Variants in TMEM178B observed in about 807,000 individuals in gnomAD.
TMEM178B encodes the protein transmembrane protein 178B.
A neutral mutation model predicts 31.0 loss-of-function variants in TMEM178B; 5 were observed. The ratio of observed to expected loss-of-function variants is 0.16; its 90% CI spans 0.08 to 0.34. The LOEUF (loss-of-function observed/expected upper bound fraction) is 0.34. TMEM178B is among the 10% of genes least tolerant of loss of function. The pLI is 1.00. For missense variants in TMEM178B, 275 were observed against 400.3 expected (o/e 0.69, Z 2.67); for synonymous variants, 164 against 164.0 (o/e 1.00, Z 0.00).
chr7:141,233,559 T>A (rs1206540666), intron 2 of TMEM178B, among the ~76,000 whole-genome samples: 3 of 152,198 alleles, frequency 2.0e-5, no homozygotes, highest in Non-Finnish European at 4.4e-5. Flanking sequence ...TGTTAAGAGC[T>A]AGACTGGGGG....
intron 1 of TMEM178B, among the ~76,000 whole-genome samples, chr7:141,189,067 A>T (rs35399617): frequency 0.041 from 6,314 of 152,288 alleles, 324 homozygotes; most frequent in African/African-American, 0.12. Flanking sequence ...GAAGGTCTAC[A>T]ATGAAGCCAT....
intron 2 of TMEM178B, among the ~76,000 whole-genome samples, chr7:141,406,889 G>A (rs1800895412): frequency 6.6e-6 from 1 of 152,166 alleles, no homozygotes; most frequent in Admixed American, 6.5e-5. Context: ...GCATAAACTA[G>A]AGATAAAATA....
chr7:141,081,959 C>T (rs1463093447), intron 1 of TMEM178B, among the ~76,000 whole-genome samples: 7 of 152,168 alleles, frequency 4.6e-5, no homozygotes, highest in Non-Finnish European at 8.8e-5. Flanking sequence ...TACTGCATTT[C>T]GACTGCATCT....
chr7:141,386,846 G>A (rs531018059), intron 2 of TMEM178B, among the ~76,000 whole-genome samples: 3 of 152,312 alleles, frequency 2.0e-5, no homozygotes, highest in Non-Finnish European at 4.4e-5. Context: ...ATGAGGGCAA[G>A]GAAGTTCCAG....
In TMEM178B at chr7:141,216,476, G is replaced by GTGT. The variant is rs1563120779; in HGVS notation, c.496+3772_496+3773insTGT. Among the ~76,000 whole-genome samples the GTGT allele has an allele frequency of 1.0e-3, 107 of 102,858 alleles. 4 individuals carry two copies. Among genetic ancestry groups the GTGT allele is most frequent in the Non-Finnish European group, 1.7e-3 (69 of 41,464 alleles). 67.5% of individuals were successfully genotyped at this position (102,858 alleles called of 152,430 possible). A position where few individuals can be genotyped will look rare whatever the true frequency, so the allele number is the denominator to read the frequency against. On this transcript the variant is annotated intron_variant, in intron 2 of 3. Coordinates refer to ENST00000565468, the MANE Select transcript of TMEM178B (RefSeq NM_001195278.2). ...GCGCGCGCGCGCGTGTGTGTGTGTG[G>GTGT]GTGTGTGGTGGGGAAGAAGGGTGAT...
intron 3 of TMEM178B, among the ~76,000 whole-genome samples, chr7:141,438,857 T>C (rs1053161678): frequency 9.9e-5 from 13 of 130,920 alleles, no homozygotes; most frequent in African/African-American, 2.3e-4. Context: ...ACCTTGGTGA[T>C]AGAGCAAGAT....
chr7:141,382,392 A>C (rs1271871304), intron 2 of TMEM178B, among the ~76,000 whole-genome samples: 1 of 152,202 alleles, frequency 6.6e-6, no homozygotes, highest in African/African-American at 2.4e-5. Context: ...GTGGGATTTT[A>C]AAGGATGGGT....
chr7:141,353,675 T>TTA (rs2116534354), intron 2 of TMEM178B, among the ~76,000 whole-genome samples: 1 of 152,338 alleles, frequency 6.6e-6, no homozygotes, highest in East Asian at 1.9e-4. Flanking sequence ...CCTTTCCTAT[T>TTA]AGGATCACAC....
At chr7:141,305,862 T>G (rs1412802701) in intron 2 of TMEM178B, among the ~76,000 whole-genome samples, 2 of 152,174 alleles carry the variant, frequency 1.3e-5, no homozygotes, top group African/African-American at 4.8e-5. Flanking sequence ...CTCCTGCTCT[T>G]TTCCACAATG....
intron 2 of TMEM178B, among the ~76,000 whole-genome samples, chr7:141,413,815 TC>T (rs1801047738): frequency 1.3e-5 from 2 of 149,410 alleles, no homozygotes; most frequent in Non-Finnish European, 3.0e-5. Context: ...AGTATTTTCC[TC>T]TTTGATGTAA....
At chr7:141,157,386 C>T (rs1342863592) in intron 1 of TMEM178B, among the ~76,000 whole-genome samples, 2 of 151,866 alleles carry the variant, frequency 1.3e-5, no homozygotes, top group East Asian at 1.9e-4. Context: ...AGAAGCATAG[C>T]AAAGCAAAAC....
chr7:141,500,909 T>C, the TMEM178B span, among the ~76,000 whole-genome samples: 1 of 152,102 alleles, frequency 6.6e-6, no homozygotes, highest in East Asian at 1.9e-4. Context: ...ATAAGCTCGA[T>C]TGGAAATTCT....
At chr7:141,494,193 T>C in the TMEM178B span, among the ~76,000 whole-genome samples, 1 of 152,230 alleles carries the variant, frequency 6.6e-6, no homozygotes, top group African/African-American at 2.4e-5. Context: ...GAGGAGAAGA[T>C]AAGGATCCCC....
intron 2 of TMEM178B, among the ~76,000 whole-genome samples, chr7:141,269,164 C>T (rs1269128415): frequency 6.7e-6 from 1 of 149,954 alleles, no homozygotes. Flanking sequence ...GATCTTGGCT[C>T]ACAGTAACCT....
In TMEM178B at chr7:141,344,597, TTCC is replaced by T. The variant is rs1799582116; in HGVS notation, c.497-93009_497-93007del. Among the ~76,000 whole-genome samples the T allele has an allele frequency of 6.7e-6, 1 of 148,186 alleles. No individual in the cohort carries two copies. The highest frequency in any genetic ancestry group is 6.7e-5 in the Admixed American group (1 of 15,008). On this transcript the variant is annotated intron_variant, in intron 2 of 3. Transcript: ENST00000565468. This position sits in a 1 kb window ranked among gnomAD's most constrained non-coding sequence, Gnocchi z 4.1. ...CTCCCTTCCTTCCTTCCTTCCTTCC[TTCC>T]TTCCTTCCTTCCTTCCTTCCTTCCT...
intron 2 of TMEM178B, among the ~76,000 whole-genome samples, chr7:141,226,038 G>A (rs1156929493): frequency 6.6e-6 from 1 of 152,176 alleles, no homozygotes; most frequent in Non-Finnish European, 1.5e-5. Context: ...CCGAAACCAC[G>A]AGGCTGCTAA....
At chr7:141,347,927 G>T (rs1418620971) in intron 2 of TMEM178B, among the ~76,000 whole-genome samples, 1 of 152,168 alleles carries the variant, frequency 6.6e-6, no homozygotes, top group Non-Finnish European at 1.5e-5. Context: ...TAGGAGAGAT[G>T]ATTTCACCAA....
At chr7:141,197,996 G>A (rs181399818) in intron 1 of TMEM178B, among the ~76,000 whole-genome samples, 3 of 152,330 alleles carry the variant, frequency 2.0e-5, no homozygotes, top group South Asian at 2.1e-4. Flanking sequence ...TCAATCATCT[G>A]AATTGTGTTT....
chr7:141,151,818 TA>T (rs972379005), intron 1 of TMEM178B, among the ~76,000 whole-genome samples: 1 of 152,146 alleles, frequency 6.6e-6, no homozygotes, highest in African/African-American at 2.4e-5. Flanking sequence ...CAGCCACATG[TA>T]GGGGGTGTGA....
Sources: allele counts gnomAD v4.1 joint callset (sites outside exome capture counted in the v4.1 genomes callset), GRCh38; gene constraint gnomAD v4.1.1; non-coding constraint Gnocchi (gnomAD v3.1); transcripts MANE v1.5; gene names NCBI Gene and HGNC (gene_info 2026-07-23, HGNC 2026-07-21).